PPP1R16B: variants seen among roughly 807,000 people sequenced by gnomAD.
PPP1R16B encodes the protein protein phosphatase 1 regulatory inhibitor subunit 16B.
PPP1R16B carries 14 observed loss-of-function variants against 61.7 expected under a neutral mutation model. That is an observed-to-expected ratio of 0.23 (90% CI 0.15 to 0.35). The LOEUF is 0.35. Ranked by LOEUF, PPP1R16B falls within the 10% of genes least tolerant of loss-of-function variation. The pLI is 1.00. For missense variants in PPP1R16B, 547 were observed against 752.5 expected (o/e 0.73, Z 3.19); for synonymous variants, 266 against 305.3 (o/e 0.87, Z 1.34).
intron 1 of PPP1R16B, among the ~76,000 whole-genome samples, chr20:38,812,580 G>A (rs528853569): frequency 3.3e-5 from 5 of 152,294 alleles, no homozygotes; most frequent in Non-Finnish European, 7.4e-5. Flanking sequence ...GTACGAAAGA[G>A]GAGGGTGTTT....
At chr20:38,834,051 C>G (rs966121399) in intron 1 of PPP1R16B, among the ~76,000 whole-genome samples, 12 of 152,254 alleles carry the variant, frequency 7.9e-5, no homozygotes, top group African/African-American at 2.9e-4. Flanking sequence ...ACCCAACAAC[C>G]ATAAACCAGC....
At chr20:38,812,188 C>G (rs1240972367) in intron 1 of PPP1R16B, among the ~76,000 whole-genome samples, 1 of 152,134 alleles carries the variant, frequency 6.6e-6, no homozygotes, top group Non-Finnish European at 1.5e-5. Context: ...GCTTGGGGGC[C>G]CAGATTATCT....
chr20:38,900,532 C>A (rs780852925), intron 4 of PPP1R16B, 49 bp from the exon 5 acceptor site: 5 of 1,496,448 alleles, frequency 3.3e-6, no homozygotes, highest in Non-Finnish European at 3.6e-6. Flanking sequence ...GCAGCTAGAC[C>A]AACCCTAGCC....
At chr20:38,846,277 A>G (rs1568660398) in intron 2 of PPP1R16B, among the ~76,000 whole-genome samples, 1 of 152,250 alleles carries the variant, frequency 6.6e-6, no homozygotes, top group Admixed American at 6.5e-5. Flanking sequence ...ATACAAGTGC[A>G]GTATTTTCAA....
At chr20:38,850,944 G>C (rs1039122877) in intron 2 of PPP1R16B, among the ~76,000 whole-genome samples, 1 of 148,942 alleles carries the variant, frequency 6.7e-6, no homozygotes, top group Non-Finnish European at 1.5e-5. Flanking sequence ...CTCCAGCCTG[G>C]GCAATAGAAC....
In PPP1R16B at chr20:38,914,148, A is replaced by G. The variant is rs2085513933; in HGVS notation, c.1195-4009A>G. 2.0e-5 allele frequency among the ~76,000 whole-genome samples: 3 copies of G among 151,530 alleles called. No individual in the cohort carries two copies. In the South Asian group the frequency reaches 6.2e-4, roughly 31 times the overall value. On this transcript the variant is annotated intron_variant, in intron 10 of 10. Coordinates refer to ENST00000299824, the MANE Select transcript of PPP1R16B (RefSeq NM_015568.4). ...GAGTGAGCCAAGATTGCACCACTGC[A>G]CTCCAGCCTGGGCAACAGAGTGAGA...
chr20:38,822,081 C>T lies in PPP1R16B; in HGVS notation c.-101-13744C>T, dbSNP rs1352554286. On this transcript the variant is annotated intron_variant, in intron 1 of 10. Transcript: ENST00000299824. The stretch of plus-strand genomic sequence containing the variant: ...TATATTTTTTTAATCAGGCAATTAA[C>T]TTGACCAAACTCAAACTCCAAACTC... Among the ~76,000 whole-genome samples the T allele has an allele frequency of 2.7e-5, 4 of 150,126 alleles. No individual in the cohort carries two copies. The East Asian group carries it at 7.8e-4, about 29-fold the overall frequency.
chr20:38,851,599 A>G (rs1012473807), intron 2 of PPP1R16B, among the ~76,000 whole-genome samples: 4 of 152,240 alleles, frequency 2.6e-5, no homozygotes, highest in African/African-American at 9.6e-5. Flanking sequence ...GGACATCATC[A>G]GGCTGGCATT....
intron 1 of PPP1R16B, among the ~76,000 whole-genome samples, chr20:38,809,985 G>GGA (rs2084688245): frequency 2.5e-5 from 2 of 80,150 alleles, no homozygotes; most frequent in Admixed American, 1.7e-4. Flanking sequence ...ACCTTGTTTC[G>GGA]AAAAAAAAAA....
At chr20:38,831,224 G>A (rs1275369682) in intron 1 of PPP1R16B, among the ~76,000 whole-genome samples, 1 of 152,160 alleles carries the variant, frequency 6.6e-6, no homozygotes, top group African/African-American at 2.4e-5. Context: ...GTCTTCCTTG[G>A]GGGTCCCCTT....
In PPP1R16B at chr20:38,902,391, G is replaced by A. The variant is rs73287161; in HGVS notation, c.572-277G>A. Among the ~76,000 whole-genome samples, 427 of 152,300 alleles carry A rather than the reference G, an allele frequency of 2.8e-3. 1 individual carries two copies. Among genetic ancestry groups the A allele is most frequent in the African/African-American group, 9.9e-3 (411 of 41,558 alleles). ...CATCTGAGCAGTTGGAGGTGTGTAG[G>A]TGGATGGTAAGGACTTTCAGGTAGA... On this transcript the variant is annotated intron_variant, in intron 5 of 10. Coordinates refer to ENST00000299824, the MANE Select transcript of PPP1R16B (RefSeq NM_015568.4).
chr20:38,882,631 C>A (rs986772893), intron 2 of PPP1R16B, among the ~76,000 whole-genome samples: 5 of 152,196 alleles, frequency 3.3e-5, no homozygotes, highest in Non-Finnish European at 7.3e-5. Flanking sequence ...TGGGACTACA[C>A]TGACAAATAG....
chr20:38,834,444 A>C (rs572289926), intron 1 of PPP1R16B, among the ~76,000 whole-genome samples: 36 of 152,230 alleles, frequency 2.4e-4, no homozygotes, highest in Middle Eastern at 3.2e-3. Flanking sequence ...AAGTTCATAG[A>C]GTCCGTGCTG....
At chr20:38,878,799 C>A (rs2085185746) in intron 2 of PPP1R16B, among the ~76,000 whole-genome samples, 1 of 152,198 alleles carries the variant, frequency 6.6e-6, no homozygotes, top group African/African-American at 2.4e-5. Context: ...TATCTCCTAC[C>A]TGCAGGGCTG....
At chr20:38,812,425 A>G (rs2084707123) in intron 1 of PPP1R16B, among the ~76,000 whole-genome samples, 1 of 152,236 alleles carries the variant, frequency 6.6e-6, no homozygotes, top group South Asian at 2.1e-4. Flanking sequence ...GCAATGTGAT[A>G]GGCCTTGGAT....
rs182142931 is a variant in PPP1R16B, at chr20:38,902,553, C to T, written c.572-115C>T. 65 of 1,425,354 alleles carry T rather than the reference C, an allele frequency of 4.6e-5. No individual in the cohort carries two copies. The Admixed American group carries it at 7.1e-4, about 16-fold the overall frequency. The allele number at this position is 1,425,354 out of a possible 1,614,324, so 88.3% of individuals were successfully genotyped here. On this transcript the variant is annotated intron_variant, in intron 5 of 10. Transcript: ENST00000299824. ...TGATCTATGGGCATGTCTGCATGCCCGCTTGACTGGCATATCCTAGGGAAC... is the reference window on the plus strand; with the variant it reads ...TGATCTATGGGCATGTCTGCATGCCTGCTTGACTGGCATATCCTAGGGAAC...
intron 2 of PPP1R16B, among the ~76,000 whole-genome samples, chr20:38,867,543 T>A (rs543282330): frequency 1.5e-4 from 23 of 152,378 alleles, no homozygotes; most frequent in African/African-American, 5.5e-4. Context: ...AAAAGGGTTG[T>A]ACCAGAGCTA....
At chr20:38,859,029 C>T (rs533732862) in intron 2 of PPP1R16B, among the ~76,000 whole-genome samples, 1 of 152,236 alleles carries the variant, frequency 6.6e-6, no homozygotes, top group Admixed American at 6.5e-5. Context: ...AGCAAATGTC[C>T]CAGGATCCAG....
intron 1 of PPP1R16B, among the ~76,000 whole-genome samples, chr20:38,826,850 G>A (rs1286737466): frequency 2.6e-5 from 4 of 152,202 alleles, no homozygotes; most frequent in Non-Finnish European, 5.9e-5. Context: ...TGCCATGGCT[G>A]GACTTTGTTG....
Sources: gnomAD v4.1 joint callset for allele counts (sites outside exome capture counted in the v4.1 genomes callset) on GRCh38, gnomAD v4.1.1 for gene constraint, MANE v1.5 for transcripts, NCBI Gene and HGNC (gene_info 2026-07-23, HGNC 2026-07-21) for gene names.